PMFBP1: variants seen among roughly 807,000 people sequenced by gnomAD.
PMFBP1 encodes the protein polyamine-modulated factor 1-binding protein 1.
Under a neutral mutation model 137.8 loss-of-function variants are expected in PMFBP1, and 131 were observed. That is an observed-to-expected ratio of 0.95 (90% CI 0.82 to 1.10). PMFBP1 has a LOEUF of 1.10. Ranked by LOEUF, PMFBP1 falls within the 50% of genes least tolerant of loss-of-function variation. PMFBP1 has a pLI of 0.00. For missense variants in PMFBP1, 1,199 were observed against 1,175.4 expected (o/e 1.02, Z -0.29); for synonymous variants, 490 against 450.4 (o/e 1.09, Z -1.11).
chr16:72,187,135 A>T, the PMFBP1 span, among the ~76,000 whole-genome samples: 798 of 151,988 alleles, frequency 5.3e-3, 3 homozygotes, highest in Middle Eastern at 0.014. Flanking sequence ...AATAAATAAA[A>T]AAATAATAAA....
At chr16:72,142,998 T>C (rs912692206) in intron 5 of PMFBP1, among the ~76,000 whole-genome samples, 41 of 152,174 alleles carry the variant, frequency 2.7e-4, no homozygotes, top group Non-Finnish European at 4.0e-4. Context: ...TTATTAATAA[T>C]ATATTATGAT....
chr16:72,247,430 C>T, the PMFBP1 span, among the ~76,000 whole-genome samples: 2 of 152,302 alleles, frequency 1.3e-5, no homozygotes, highest in Admixed American at 6.5e-5. Flanking sequence ...TCACAAAGAG[C>T]AAGTCTGCTG....
the PMFBP1 span, among the ~76,000 whole-genome samples, chr16:72,215,596 G>C: frequency 6.6e-6 from 1 of 152,166 alleles, no homozygotes; most frequent in African/African-American, 2.4e-5. Flanking sequence ...TTAGACCCTT[G>C]CAGAAAGAAT....
Position 72,130,840 on chromosome 16 carries a change from T to C in PMFBP1, c.1448-118A>G. On this transcript the variant is annotated intron_variant, in intron 10 of 20. Transcript: ENST00000237353. ...GTGCCCTACTTCAGTTCCCAGTCTGTCCTCATTTCTCTCCATTTCATGATC... is the reference window on the plus strand; with the variant it reads ...GTGCCCTACTTCAGTTCCCAGTCTGCCCTCATTTCTCTCCATTTCATGATC... The C allele has an allele frequency of 3.5e-6, 3 of 869,410 alleles. No individual in the cohort carries two copies. In the Admixed American group the frequency reaches 8.7e-5, roughly 25 times the overall value. The allele number at this position is 869,410 out of a possible 1,614,324, so 53.9% of individuals were successfully genotyped here.
chr16:72,176,437 ACT>A (rs2043259762), upstream of PMFBP1, among the ~76,000 whole-genome samples: 1 of 152,100 alleles, frequency 6.6e-6, no homozygotes, highest in African/African-American at 2.4e-5. Context: ...CATCTAAAAG[ACT>A]CTATCTCCTA....
At chr16:72,227,491 A>G in the PMFBP1 span, among the ~76,000 whole-genome samples, 1 of 152,232 alleles carries the variant, frequency 6.6e-6, no homozygotes, top group Non-Finnish European at 1.5e-5. Context: ...TTAACATTTT[A>G]GCATGATTAA....
At chr16:72,142,209 G>A (rs1038084835) in intron 5 of PMFBP1, among the ~76,000 whole-genome samples, 3 of 152,106 alleles carry the variant, frequency 2.0e-5, no homozygotes, top group Non-Finnish European at 4.4e-5. Flanking sequence ...TGTAGATAAT[G>A]CAGAGTCTAC....
At chr16:72,153,578 T>C (rs114523) in intron 4 of PMFBP1, among the ~76,000 whole-genome samples, 151,963 of 151,964 alleles carry the variant, frequency 1, 75,981 homozygotes, top group Middle Eastern at 1. Flanking sequence ...GCTTTGGGTT[T>C]TTGGAATTTA....
At chr16:72,162,845 AT>A (rs1279327616) in intron 3 of PMFBP1, among the ~76,000 whole-genome samples, 1 of 152,216 alleles carries the variant, frequency 6.6e-6, no homozygotes, top group Non-Finnish European at 1.5e-5. Context: ...AATGGTGAAA[AT>A]ATCCTAAAAT....
chr16:72,117,066 A>C (rs1278846864), downstream of PMFBP1, among the ~76,000 whole-genome samples: 1 of 148,692 alleles, frequency 6.7e-6, no homozygotes, highest in Non-Finnish European at 1.5e-5. Context: ...TGGGATTTTG[A>C]CAGAGATTAC....
chr16:72,222,514 G>GT, the PMFBP1 span, among the ~76,000 whole-genome samples: 1 of 152,152 alleles, frequency 6.6e-6, no homozygotes, highest in Non-Finnish European at 1.5e-5. Flanking sequence ...ACAGGTGCTG[G>GT]TTAAGTCACT....
the PMFBP1 span, among the ~76,000 whole-genome samples, chr16:72,244,555 T>C: frequency 1.1e-3 from 164 of 152,278 alleles, 3 homozygotes; most frequent in East Asian, 0.027. Context: ...AGGAAACAAG[T>C]ATGACTGAGA....
At chr16:72,203,563 G>A in the PMFBP1 span, among the ~76,000 whole-genome samples, 1 of 152,148 alleles carries the variant, frequency 6.6e-6, no homozygotes, top group Non-Finnish European at 1.5e-5. Context: ...GTTTTCTGGG[G>A]CTGCTGTTTC....
the PMFBP1 span, among the ~76,000 whole-genome samples, chr16:72,238,536 A>G: frequency 6.6e-6 from 1 of 152,156 alleles, no homozygotes; most frequent in East Asian, 1.9e-4. Context: ...AGTTCCTTAT[A>G]GTCTATATGT....
At position 72,132,886 on chromosome 16, in the gene PMFBP1, T is replaced by C. The variant is rs2042570300; in HGVS notation, c.1309A>G (p.Met437Val). The change falls in exon 10 of 21, where the codon ATG (methionine) becomes GTG (valine). Residue 437 changes from methionine (M) to valine (V), a missense_variant. Transcript: ENST00000237353. ...KEKELEKQQCMATELEMTVKE... is the reference protein window; with the variant it reads ...KEKELEKQQCVATELEMTVKE... ...ACTGTCATTTCAAGTTCTGTGGCCA[T>C]GCACTGCTGCTTCTCCAGCTCCTTC... The C allele has an allele frequency of 1.2e-6, 2 of 1,614,240 alleles. No individual in the cohort carries two copies. The highest frequency in any genetic ancestry group is 8.5e-7 in the Non-Finnish European group (1 of 1,180,048).
chr16:72,166,480 G>C (rs2043146627), intron 2 of PMFBP1, among the ~76,000 whole-genome samples: 1 of 152,182 alleles, frequency 6.6e-6, no homozygotes, highest in Non-Finnish European at 1.5e-5. Flanking sequence ...ATGGCAGTGT[G>C]AAAATGGGCT....
chr16:72,174,660 A>G (rs2043250748), upstream of PMFBP1, among the ~76,000 whole-genome samples: 1 of 152,236 alleles, frequency 6.6e-6, no homozygotes, highest in African/African-American at 2.4e-5. Flanking sequence ...AGGCCTCAGG[A>G]AACTTACAAT....
At chr16:72,148,469 T>G (rs929628550) in intron 5 of PMFBP1, among the ~76,000 whole-genome samples, 1 of 152,176 alleles carries the variant, frequency 6.6e-6, no homozygotes, top group Non-Finnish European at 1.5e-5. Context: ...TGTTTACCTA[T>G]GTAACAAACC....
rs1442929936 is a variant in PMFBP1, at chr16:72,124,846, G to A, written c.2510C>T (p.Ala837Val). 1 of 1,614,204 alleles carries A rather than the reference G, an allele frequency of 6.2e-7. No homozygotes were observed. ...CTCCCTGAGCTGCTCCTCTTTGGCT[G>A]CCAGCATCTTGAGGTCATTCTGGTG... ...KQHQNDLKML[A>V]AKEEQLREFQ... The change falls in exon 17 of 21, where the codon GCA becomes GTA. Residue 837 changes from alanine (A) to valine (V), a missense_variant. Ala to Val is a moderately conservative substitution (Grantham distance 64, BLOSUM62 0). Coordinates refer to ENST00000237353, the MANE Select transcript of PMFBP1 (RefSeq NM_031293.3).
Sources: allele counts gnomAD v4.1 joint callset (sites outside exome capture counted in the v4.1 genomes callset), GRCh38; gene constraint gnomAD v4.1.1; transcripts MANE v1.5; gene names NCBI Gene and HGNC (gene_info 2026-07-23, HGNC 2026-07-21).